SGCZ: variants seen among roughly 807,000 people sequenced by gnomAD.
SGCZ encodes the protein zeta-sarcoglycan.
SGCZ carries 40 observed loss-of-function variants against 41.3 expected under a neutral mutation model. The ratio of observed to expected loss-of-function variants is 0.97; its 90% CI spans 0.75 to 1.26. The LOEUF (loss-of-function observed/expected upper bound fraction) is 1.26. Among genes scored for constraint, SGCZ ranks in the 50% most tolerant of loss-of-function variants. SGCZ has a pLI of 0.00. For missense variants in SGCZ, 552 were observed against 369.8 expected (o/e 1.49, Z -4.04); for synonymous variants, 206 against 137.5 (o/e 1.50, Z -3.49).
chr8:14,489,709 C>T (rs934425222), intron 2 of SGCZ, among the ~76,000 whole-genome samples: 15 of 150,156 alleles, frequency 1.0e-4, no homozygotes, highest in Non-Finnish European at 1.5e-5. Context: ...ATAAATCTTA[C>T]ACAATTTAGC....
At chr8:14,781,665 T>G (rs1167806744) in intron 1 of SGCZ, among the ~76,000 whole-genome samples, 2 of 152,194 alleles carry the variant, frequency 1.3e-5, no homozygotes, top group Admixed American at 1.3e-4. Context: ...CATATAGACG[T>G]TCCTCAACTT....
chr8:15,119,570 T>TTTTTTTTTTTTTTTGAGACGG (rs1473929167), intron 1 of SGCZ, among the ~76,000 whole-genome samples: 1 of 151,870 alleles, frequency 6.6e-6, no homozygotes, highest in African/African-American at 2.4e-5. Context: ...AATTTTCTAT[T>TTTTTTTTTTTTTTTGAGACGG]ATAACATGTC....
At chr8:14,310,606 C>T (rs992401539) in intron 3 of SGCZ, among the ~76,000 whole-genome samples, 5 of 151,992 alleles carry the variant, frequency 3.3e-5, no homozygotes, top group Non-Finnish European at 2.9e-5. Flanking sequence ...TTAAAAATGG[C>T]TCAAGGAGTA....
At chr8:14,207,911 G>A (rs1805670326) in intron 4 of SGCZ, among the ~76,000 whole-genome samples, 2 of 152,082 alleles carry the variant, frequency 1.3e-5, no homozygotes, top group Non-Finnish European at 2.9e-5. Flanking sequence ...ACTGGCTGGT[G>A]GTTGTGATGA....
At chr8:15,026,598 C>T (rs1027150989) in intron 1 of SGCZ, among the ~76,000 whole-genome samples, 1 of 152,144 alleles carries the variant, frequency 6.6e-6, no homozygotes, top group Non-Finnish European at 1.5e-5. Context: ...GATTGGTACA[C>T]AGATGTGCCA....
intron 1 of SGCZ, among the ~76,000 whole-genome samples, chr8:15,045,145 A>C (rs1804256082): frequency 6.6e-6 from 1 of 151,970 alleles, no homozygotes; most frequent in Non-Finnish European, 1.5e-5. Context: ...TGGCATTGTA[A>C]AATACCCAAC....
chr8:14,554,788 T>A lies in SGCZ; in HGVS notation c.178A>T (p.Met60Leu), dbSNP rs773193771. The A allele has an allele frequency of 2.5e-6, 4 of 1,613,268 alleles. No homozygotes were observed. In the East Asian group the frequency reaches 6.7e-5, roughly 27 times the overall value. ...ATTGTCATGGCTAAGTTAACTATCATGGTAACCAACAGCAGAAGGACAAAG... is the reference window on the plus strand; with the variant it reads ...ATTGTCATGGCTAAGTTAACTATCAAGGTAACCAACAGCAGAAGGACAAAG... The part of the protein sequence containing the change: ...YFFVLLLLVT[M>L]IVNLAMTIWI... Residue 60 changes from methionine to leucine, a missense_variant, in exon 2 of 8, where the codon ATG (methionine) becomes TTG (leucine). Met to Leu is a conservative substitution (Grantham distance 15). Coordinates refer to ENST00000382080, the MANE Select transcript of SGCZ (RefSeq NM_139167.4).
At chr8:14,991,204 T>C (rs1034031390) in intron 1 of SGCZ, among the ~76,000 whole-genome samples, 60 of 152,294 alleles carry the variant, frequency 3.9e-4, no homozygotes, top group African/African-American at 1.4e-3. Flanking sequence ...ACATTGTTAA[T>C]TGCATTCTCA....
intron 3 of SGCZ, among the ~76,000 whole-genome samples, chr8:14,246,343 A>G (rs1189487497): frequency 6.6e-6 from 1 of 152,046 alleles, no homozygotes; most frequent in Non-Finnish European, 1.5e-5. Flanking sequence ...AACTATCGCA[A>G]GGACAAAAAA....
chr8:14,875,479 G>C (rs1193522741), intron 1 of SGCZ, among the ~76,000 whole-genome samples: 1 of 152,118 alleles, frequency 6.6e-6, no homozygotes, highest in East Asian at 1.9e-4. Flanking sequence ...ATAAGGAAGG[G>C]ACAAGGTCTG....
intron 4 of SGCZ, among the ~76,000 whole-genome samples, chr8:14,226,605 C>G (rs891935986): frequency 6.6e-6 from 1 of 152,056 alleles, no homozygotes. Context: ...CATTCTCTTG[C>G]TGAAGGATAT....
chr8:14,439,348 G>A (rs996019347), intron 2 of SGCZ, among the ~76,000 whole-genome samples: 4 of 144,018 alleles, frequency 2.8e-5, no homozygotes, highest in Admixed American at 7.0e-5. Context: ...TGGATTTTCT[G>A]GAAATTTCTA....
intron 1 of SGCZ, among the ~76,000 whole-genome samples, chr8:14,866,175 A>G (rs1447695766): frequency 6.6e-6 from 1 of 152,118 alleles, no homozygotes; most frequent in East Asian, 1.9e-4. Flanking sequence ...CATATGATTA[A>G]AAGAAAGGAT....
At chr8:14,399,845 C>T (rs908180321) in intron 2 of SGCZ, among the ~76,000 whole-genome samples, 2 of 152,060 alleles carry the variant, frequency 1.3e-5, no homozygotes, top group African/African-American at 2.4e-5. Flanking sequence ...TATTGAGCTA[C>T]ACTTTATATG....
intron 2 of SGCZ, among the ~76,000 whole-genome samples, chr8:14,510,529 A>G (rs988153606): frequency 1.3e-5 from 2 of 152,158 alleles, no homozygotes; most frequent in Admixed American, 1.3e-4. Flanking sequence ...TAAGCTAATA[A>G]CAGAGAAAAA....
chr8:14,372,443 G>T (rs919960288), intron 2 of SGCZ, among the ~76,000 whole-genome samples: 4 of 152,106 alleles, frequency 2.6e-5, no homozygotes, highest in Non-Finnish European at 2.9e-5. Flanking sequence ...AGCATGAGAG[G>T]ATTTCTGTGG....
chr8:15,137,518 T>C (rs888455241), intron 1 of SGCZ, among the ~76,000 whole-genome samples: 4 of 152,076 alleles, frequency 2.6e-5, no homozygotes, highest in African/African-American at 9.7e-5. Context: ...AAAAATGGTT[T>C]CCTGGGCTGG....
chr8:14,396,479 C>G (rs1486364922), intron 2 of SGCZ, among the ~76,000 whole-genome samples: 1 of 151,990 alleles, frequency 6.6e-6, no homozygotes, highest in Non-Finnish European at 1.5e-5. Context: ...TGTTATTCAG[C>G]TCATTCCCTA....
intron 1 of SGCZ, among the ~76,000 whole-genome samples, chr8:14,701,665 GC>G (rs1809141785): frequency 1.3e-5 from 2 of 151,426 alleles, no homozygotes; most frequent in Admixed American, 6.6e-5. Context: ...TTTTCTTACG[GC>G]CCAATGTCTT....
Sources: gnomAD v4.1 joint callset for allele counts (sites outside exome capture counted in the v4.1 genomes callset) on GRCh38, gnomAD v4.1.1 for gene constraint, MANE v1.5 for transcripts, NCBI Gene and HGNC (gene_info 2026-07-23, HGNC 2026-07-21) for gene names.